Variants in PKHD1L1 observed in about 807,000 individuals in gnomAD.
PKHD1L1 encodes fibrocystin-L.
PKHD1L1 carries 434 observed loss-of-function variants against 462.9 expected under a neutral mutation model. The ratio of observed to expected loss-of-function variants is 0.94; its 90% confidence interval spans 0.87 to 1.02. The LOEUF (loss-of-function observed/expected upper bound fraction) is 1.02, where lower values mean the gene tolerates loss of function less well. PKHD1L1 is among the 50% of genes least tolerant of loss of function. The pLI, the probability that PKHD1L1 is intolerant of heterozygous loss-of-function variation, is 0.00. For missense variants in PKHD1L1, 5,202 were observed against 5,096.1 expected, an observed-to-expected ratio of 1.02 and a Z score of -0.63; for synonymous variants, 1,781 against 1,750.0, an observed-to-expected ratio of 1.02 and a Z score of -0.44.
At chr8:109,448,496 A>AT in intron 39 of PKHD1L1, 105 bp downstream of exon 39, 3 of 1,188,508 alleles carry the variant, frequency 2.5e-6, no homozygotes, top group Non-Finnish European at 3.3e-6. Flanking sequence ...TAAAATTTCT[A>AT]GTGTTTTTTT....
At chr8:109,508,010 C>A in intron 69 of PKHD1L1, 87 bp from the exon 70 acceptor site, 1 of 1,487,314 alleles carries the variant, frequency 6.7e-7, no homozygotes, top group Non-Finnish European at 9.1e-7. Context: ...ACTTCTTAAA[C>A]TAGCATAACA....
In PKHD1L1 at chr8:109,444,927, T is replaced by C. The variant is rs776172486; in HGVS notation, c.5058T>C (p.Val1686=). ...CCATAAAAGGCTCTGGATTTGCCGT[T>C]TCTTCTGCAGGTGTAAAAGTCCTTA... is the stretch of plus-strand genomic sequence containing the variant. ...SVTIKGSGFA[V]SSAGVKVLMG... Residue 1686 remains valine, a synonymous_variant, in exon 38 of 78, where the codon GTT becomes GTC. Coordinates refer to ENST00000378402, the MANE Select transcript of PKHD1L1 (RefSeq NM_177531.6). 1.2e-6 allele frequency: 2 copies of C among 1,614,030 alleles called. No individual in the cohort carries two copies. The highest frequency in any genetic ancestry group is 1.7e-6 in the Non-Finnish European group (2 of 1,179,884).
intron 1 of PKHD1L1, among the ~76,000 whole-genome samples, chr8:109,362,936 G>T (rs1231978510): frequency 6.6e-6 from 1 of 152,136 alleles, no homozygotes; most frequent in Non-Finnish European, 1.5e-5. Context: ...TCTCCCACCG[G>T]CACCCACAAA....
At chr8:109,495,373 C>T (rs1819033132) in intron 63 of PKHD1L1, among the ~76,000 whole-genome samples, 2 of 151,984 alleles carry the variant, frequency 1.3e-5, no homozygotes, top group South Asian at 4.1e-4. Context: ...ATGTATAATG[C>T]TATGTAATGC....
At chr8:109,485,342 G>A (rs368971102) in intron 58 of PKHD1L1, among the ~76,000 whole-genome samples, 169 bp downstream of exon 58, 9 of 152,042 alleles carry the variant, frequency 5.9e-5, no homozygotes, top group African/African-American at 1.4e-4. Context: ...GTTGGTTACC[G>A]ATAGTCCCCG....
rs985862859 is a variant in PKHD1L1, at chr8:109,490,957, C to T, written c.9985-15C>T. ...TTTATTTTAAAAATGTTCTCTGTAT[C>T]CCAATGTTGTATAGATTCAAGAACA... On this transcript the variant is annotated splice_polypyrimidine_tract_variant and intron_variant, in intron 60 of 77. Coordinates refer to ENST00000378402, the MANE Select transcript of PKHD1L1 (RefSeq NM_177531.6). The T allele has an allele frequency of 7.0e-6, 11 of 1,580,044 alleles. No homozygotes were observed. Among genetic ancestry groups the T allele is most frequent in the Admixed American group, 3.5e-5 (2 of 57,472 alleles).
chr8:109,394,317 C>G (rs907658184), intron 9 of PKHD1L1, 98 bp from the exon 10 acceptor site: 2 of 707,576 alleles, frequency 2.8e-6, no homozygotes, highest in Non-Finnish European at 4.5e-6. Context: ...CCATCGTGCT[C>G]TTTTGCAGAT....
chr8:109,475,147 C>T lies in PKHD1L1; in HGVS notation c.8635C>T (p.Arg2879Ter), dbSNP rs900688391. Reference sequence around the variant, plus strand: ...AAGCATTATTCCATTTCAGAAGAAACGACTGACTCATATGTCTGGATGGAT... The same window carrying T: ...AAGCATTATTCCATTTCAGAAGAAATGACTGACTCATATGTCTGGATGGAT... ...GTSIIPFQKK[R>*]LTHMSGWMAL... Residue 2879 changes from arginine (R) to a stop codon, truncating the protein, a stop_gained, in exon 51 of 78, where the codon CGA becomes TGA. Coordinates refer to ENST00000378402, the MANE Select transcript of PKHD1L1 (RefSeq NM_177531.6). LOFTEE classifies it high-confidence loss of function. 38 of 1,609,726 alleles carry T rather than the reference C, an allele frequency of 2.4e-5. No individual in the cohort carries two copies. The highest frequency in any genetic ancestry group is 3.4e-5 in the Admixed American group (2 of 59,520).
intron 39 of PKHD1L1, among the ~76,000 whole-genome samples, 168 bp from the exon 40 acceptor site, chr8:109,449,170 A>C (rs1816339457): frequency 6.6e-6 from 1 of 152,218 alleles, no homozygotes; most frequent in Non-Finnish European, 1.5e-5. Context: ...CTACAATCAA[A>C]AGAGATTCAG....
chr8:109,412,973 T>A (rs1275365437), intron 20 of PKHD1L1, among the ~76,000 whole-genome samples: 1 of 152,106 alleles, frequency 6.6e-6, no homozygotes, highest in Admixed American at 6.6e-5. Flanking sequence ...CCATTAAAAT[T>A]GGTATTTAAT....
intron 67 of PKHD1L1, chr8:109,499,377 A>G (rs994581339): frequency 6.6e-6 from 1 of 152,314 alleles, no homozygotes; most frequent in Non-Finnish European, 1.5e-5. Flanking sequence ...TGAAGAAAGT[A>G]GTTCAGTAAG....
At chr8:109,426,942 C>T in intron 24 of PKHD1L1, 60 bp from the exon 25 acceptor site, 1 of 973,908 alleles carries the variant, frequency 1.0e-6, no homozygotes, top group Non-Finnish European at 1.6e-6. Flanking sequence ...CGTGAACCAC[C>T]ACATCCGGCC....
Position 109,435,206 on chromosome 8 carries a change from C to A in PKHD1L1, c.3357C>A (p.Cys1119Ter), listed in dbSNP as rs1380971561. Residue 1119 changes from cysteine (C) to a stop codon, truncating the protein, a stop_gained, in exon 29 of 78, where the codon TGC becomes TGA. Transcript: ENST00000378402. LOFTEE classifies it high-confidence loss of function. Reference protein sequence around the residue: ...LLSVDEKELKCQILNGSAGHA... With the variant: ...LLSVDEKELK ...TTTCACAAGAAAAAGAGCTCAAGTGCCAGATTCTGAATGGAAGTGCTGGAC... is the reference window on the plus strand; with the variant it reads ...TTTCACAAGAAAAAGAGCTCAAGTGACAGATTCTGAATGGAAGTGCTGGAC... 5.0e-6 allele frequency: 8 copies of A among 1,613,172 alleles called. No individual in the cohort carries two copies. Among genetic ancestry groups the A allele is most frequent in the Non-Finnish European group, 6.8e-6 (8 of 1,179,530 alleles).
Position 109,534,201 on chromosome 8 carries a change from G to A in PKHD1L1, c.*4111G>A, listed in dbSNP as rs745794526. Among the ~76,000 whole-genome samples, 1 of 152,208 alleles carries A rather than the reference G, an allele frequency of 6.6e-6. No homozygotes were observed. The highest frequency in any genetic ancestry group is 1.5e-5 in the Non-Finnish European group (1 of 68,032). Reference sequence around the variant, plus strand: ...TCTGAGGCTAGGCGCAGTGGCTCACGCCTGTAATCCCAGCACTCTGGGAGG... The same window carrying A: ...TCTGAGGCTAGGCGCAGTGGCTCACACCTGTAATCCCAGCACTCTGGGAGG... On this transcript the variant is annotated 3_prime_UTR_variant, in exon 78 of 78. Coordinates refer to ENST00000378402, the MANE Select transcript of PKHD1L1 (RefSeq NM_177531.6).
At chr8:109,498,316 T>A in intron 65 of PKHD1L1, 146 bp from the exon 66 acceptor site, 1 of 410,448 alleles carries the variant, frequency 2.4e-6, no homozygotes, top group Non-Finnish European at 4.2e-6. Context: ...TTAGCCAGGA[T>A]GGTCTCGATC....
chr8:109,482,916 T>C, intron 56 of PKHD1L1, 71 bp from the exon 57 acceptor site: 1 of 886,584 alleles, frequency 1.1e-6, no homozygotes, highest in South Asian at 2.5e-5. Flanking sequence ...TCAATGAACA[T>C]TTTCATTTTA....
chr8:109,444,338 A>G (rs1379366421), intron 37 of PKHD1L1, among the ~76,000 whole-genome samples: 3 of 152,200 alleles, frequency 2.0e-5, no homozygotes, highest in South Asian at 2.1e-4. Context: ...ACCATGTATC[A>G]GTACTTCATT....
At chr8:109,519,435 C>G (rs1358420322) in intron 73 of PKHD1L1, among the ~76,000 whole-genome samples, 2 of 152,076 alleles carry the variant, frequency 1.3e-5, no homozygotes, top group African/African-American at 2.4e-5. Flanking sequence ...GTCTTCACAG[C>G]CTCTGGTACA....
chr8:109,462,440 A>G (rs1817190705), intron 48 of PKHD1L1, among the ~76,000 whole-genome samples: 1 of 151,978 alleles, frequency 6.6e-6, no homozygotes, highest in African/African-American at 2.4e-5. Flanking sequence ...ATCTCCTACG[A>G]CCCTATGCCT....
Sources: gnomAD v4.1 joint callset for allele counts (sites outside exome capture counted in the v4.1 genomes callset) on GRCh38, gnomAD v4.1.1 for gene constraint, MANE v1.5 for transcripts, NCBI Gene and HGNC (gene_info 2026-07-23, HGNC 2026-07-21) for gene names.